The following DPH6 variants were observed in gnomAD, a reference collection of about 807,000 sequenced individuals.
The protein encoded by DPH6 is diphthine--ammonia ligase.
In DPH6, 33 loss-of-function variants were observed where a neutral mutation model predicts 38.2. The ratio of observed to expected loss-of-function variants is 0.86; its 90% CI spans 0.65 to 1.15. The LOEUF (loss-of-function observed/expected upper bound fraction) is 1.15. DPH6 is among the 50% of genes most tolerant of loss of function. The pLI, the probability that DPH6 is intolerant of heterozygous loss-of-function variation, is 0.00. For missense variants in DPH6, 325 were observed against 320.0 expected, an observed-to-expected ratio of 1.02 and a Z score of -0.12; for synonymous variants, 108 against 103.0, an observed-to-expected ratio of 1.05 and a Z score of -0.30.
intron 3 of DPH6, among the ~76,000 whole-genome samples, chr15:35,313,609 G>A (rs1171538377): frequency 3.3e-5 from 5 of 152,040 alleles, no homozygotes; most frequent in Non-Finnish European, 5.9e-5. Context: ...TTGCAAATGA[G>A]ACTGTTTCCT....
rs1042327092 is a variant in DPH6 at position 35,500,984 on chromosome 15, A to G, written c.312+37290T>C. 1.2e-4 allele frequency among the ~76,000 whole-genome samples: 19 copies of G among 152,058 alleles called. 1 individual carries two copies. In the South Asian group the frequency reaches 4.0e-3, roughly 32 times the overall value. On this transcript the variant is annotated intron_variant, in intron 3 of 8. Transcript: ENST00000256538. The stretch of plus-strand genomic sequence containing the variant: ...TTGAATTCCTGACCTCAGATGATCT[A>G]CCCACCTCAGCCTCCCAAAGTGCTG...
intron 3 of DPH6, among the ~76,000 whole-genome samples, chr15:35,499,521 A>G (rs1212212534): frequency 1.3e-5 from 2 of 152,306 alleles, no homozygotes; most frequent in East Asian, 1.9e-4. Context: ...GGAAAGGTTT[A>G]GGCATGAAAT....
In DPH6 at chr15:35,538,559, G is replaced by A. The variant is rs111708304; in HGVS notation, c.119-92C>T. The A allele has an allele frequency of 5.9e-3, 6,694 of 1,129,372 alleles. 198 individuals carry two copies. The African/African-American group carries it at 0.072, about 12-fold the overall frequency. 70.0% of individuals were successfully genotyped at this position (1,129,372 alleles called of 1,614,324 possible). A position where few individuals can be genotyped will look rare whatever the true frequency, so the allele number is the denominator to read the frequency against. Reference sequence around the variant, plus strand: ...TCCAGGTTTTACTGCTTGAATAGTCGACACAGAACTTGAAAGCTTGCTATA... The same window carrying A: ...TCCAGGTTTTACTGCTTGAATAGTCAACACAGAACTTGAAAGCTTGCTATA... On this transcript the variant is annotated intron_variant, in intron 2 of 8. Coordinates refer to ENST00000256538, the MANE Select transcript of DPH6 (RefSeq NM_080650.4).
chr15:35,394,371 T>C (rs187916630), intron 6 of DPH6, among the ~76,000 whole-genome samples: 127 of 152,314 alleles, frequency 8.3e-4, no homozygotes, highest in African/African-American at 3.0e-3. Context: ...ATTCCAGTTT[T>C]GCTACTTCCC....
intron 3 of DPH6, among the ~76,000 whole-genome samples, chr15:35,321,047 T>G (rs951285450): frequency 1.3e-5 from 2 of 152,156 alleles, no homozygotes; most frequent in Non-Finnish European, 2.9e-5. Flanking sequence ...ACTGGGGAAG[T>G]CACAAATCTT....
At chr15:35,463,580 T>C (rs1258947328) in intron 3 of DPH6, among the ~76,000 whole-genome samples, 1 of 152,140 alleles carries the variant, frequency 6.6e-6, no homozygotes, top group African/African-American at 2.4e-5. Flanking sequence ...AAGCAAATGT[T>C]CATAAAGTAC....
chr15:35,376,454 A>C (rs928830820), intron 7 of DPH6, among the ~76,000 whole-genome samples: 3 of 152,128 alleles, frequency 2.0e-5, no homozygotes, highest in African/African-American at 7.2e-5. Flanking sequence ...GGAGCTGAAA[A>C]ATTCCTATCA....
At chr15:35,172,008 C>A in the DPH6 span, among the ~76,000 whole-genome samples, 1 of 152,092 alleles carries the variant, frequency 6.6e-6, no homozygotes. Flanking sequence ...GCTGGGACTA[C>A]AGGCACATGC....
chr15:35,191,570 C>T, the DPH6 span, among the ~76,000 whole-genome samples: 2 of 152,264 alleles, frequency 1.3e-5, no homozygotes, highest in South Asian at 2.1e-4. Flanking sequence ...AAAGTCTGCA[C>T]CTTTCCCCTA....
intron 6 of DPH6, among the ~76,000 whole-genome samples, chr15:35,404,520 CTTCTT>C (rs1184379737): frequency 6.6e-6 from 1 of 152,124 alleles, no homozygotes; most frequent in Non-Finnish European, 1.5e-5. Context: ...ACTTGTGTGT[CTTCTT>C]TTGAGAACTG....
At chr15:35,329,388 A>G (rs921904969), downstream of DPH6, among the ~76,000 whole-genome samples, 5 of 152,164 alleles carry the variant, frequency 3.3e-5, no homozygotes, top group African/African-American at 1.2e-4. Context: ...TTCTCCATAA[A>G]CTATTTGCAT....
At chr15:35,222,718 G>A (rs1302257504) in intron 3 of DPH6, among the ~76,000 whole-genome samples, 1 of 152,146 alleles carries the variant, frequency 6.6e-6, no homozygotes, top group Non-Finnish European at 1.5e-5. Context: ...GAAGCAATCA[G>A]ATACGCATTT....
rs541322620 is a variant in DPH6 at position 35,394,004 on chromosome 15, C to CA, written c.568-12089dup. ...GTGGCATATAATACCACTTATGTCT[C>CA]AAATCTTTTGATTATCTTCCTCAGG... On this transcript the variant is annotated intron_variant, in intron 6 of 8. Transcript: ENST00000256538. 1.9e-3 allele frequency among the ~76,000 whole-genome samples: 283 copies of CA among 152,238 alleles called. 1 individual carries two copies. Among genetic ancestry groups the CA allele is most frequent in the African/African-American group, 6.5e-3 (271 of 41,556 alleles).
intron 3 of DPH6, among the ~76,000 whole-genome samples, chr15:35,343,547 C>T (rs1008544206): frequency 6.6e-6 from 1 of 151,968 alleles, no homozygotes; most frequent in African/African-American, 2.4e-5. Flanking sequence ...ACATCATTGT[C>T]TTATTTCCTA....
the DPH6 span, among the ~76,000 whole-genome samples, chr15:35,165,855 T>A: frequency 1.3e-5 from 2 of 151,976 alleles, no homozygotes; most frequent in East Asian, 3.9e-4. Context: ...ATACAAGATT[T>A]AGAAAGTTTT....
At chr15:35,236,791 C>T (rs1285884618) in intron 3 of DPH6, among the ~76,000 whole-genome samples, 2 of 152,088 alleles carry the variant, frequency 1.3e-5, no homozygotes, top group Non-Finnish European at 2.9e-5. Flanking sequence ...TTTAGATCAT[C>T]ACCAGTAAGA....
chr15:35,410,773 A>C, intron 6 of DPH6, 62 bp downstream of exon 6: 3 of 1,341,532 alleles, frequency 2.2e-6, no homozygotes, highest in Non-Finnish European at 3.0e-6. Flanking sequence ...TCATTGTATC[A>C]CAGCATTATT....
chr15:35,361,001 G>A (rs1014515735), intron 3 of DPH6, among the ~76,000 whole-genome samples: 5 of 152,168 alleles, frequency 3.3e-5, no homozygotes, highest in South Asian at 2.1e-4. Flanking sequence ...ATCCACAGCC[G>A]GGACTAAGTT....
chr15:35,382,629 AATTTCTCAAGG>A (rs1280673295), intron 6 of DPH6, among the ~76,000 whole-genome samples: 1 of 152,154 alleles, frequency 6.6e-6, no homozygotes, highest in Non-Finnish European at 1.5e-5. Context: ...GTGTTTAGTG[AATTTCTCAAGG>A]ATACAGAAAA....
Sources: gnomAD v4.1 joint callset for allele counts (sites outside exome capture counted in the v4.1 genomes callset) on GRCh38, gnomAD v4.1.1 for gene constraint, MANE v1.5 for transcripts, NCBI Gene and HGNC (gene_info 2026-07-23, HGNC 2026-07-21) for gene names.